The following GOLGA4 variants were observed in gnomAD, a reference collection of about 807,000 sequenced individuals.
GOLGA4 encodes the protein golgin subfamily A member 4.
A neutral mutation model predicts 265.9 loss-of-function variants in GOLGA4; 169 were observed. The ratio of observed to expected loss-of-function variants is 0.64; its 90% CI spans 0.56 to 0.72. The LOEUF is 0.72. GOLGA4 is among the 30% of genes least tolerant of loss of function. GOLGA4 has a pLI of 0.00. For missense variants in GOLGA4, 2,482 were observed against 2,483.4 expected, an observed-to-expected ratio of 1.00 and a Z score of 0.01; for synonymous variants, 923 against 855.8, an observed-to-expected ratio of 1.08 and a Z score of -1.37.
intron 2 of GOLGA4, among the ~76,000 whole-genome samples, chr3:37,254,466 T>A (rs533216808): frequency 2.6e-5 from 4 of 152,304 alleles, no homozygotes; most frequent in African/African-American, 7.2e-5. Context: ...TTTGTTTTTT[T>A]AATTGTTTTG....
chr3:37,275,030 GGT>G (rs1216571039), intron 2 of GOLGA4, among the ~76,000 whole-genome samples: 3 of 151,418 alleles, frequency 2.0e-5, no homozygotes, highest in Non-Finnish European at 4.4e-5. Flanking sequence ...TAACCAACAT[GGT>G]GAAACCCCGT....
At position 37,323,570 on chromosome 3, in the gene GOLGA4, T is replaced by C. The variant is rs1158761672; in HGVS notation, c.1702-18T>C. 1.4e-6 allele frequency: 2 copies of C among 1,477,906 alleles called. No individual in the cohort carries two copies. Among genetic ancestry groups the C allele is most frequent in the South Asian group, 1.4e-5 (1 of 73,506 alleles). 91.5% of individuals were successfully genotyped at this position (1,477,906 alleles called of 1,614,324 possible). A position where few individuals can be genotyped will look rare whatever the true frequency, so the allele number is the denominator to read the frequency against. On this transcript the variant is annotated intron_variant, in intron 13 of 23. Coordinates refer to ENST00000361924, the MANE Select transcript of GOLGA4 (RefSeq NM_002078.5). ...AAGTACGTACTTTAATAAAAATGCA[T>C]CTGTTTTTAATTAACAGAGAATTCT...
intron 2 of GOLGA4, among the ~76,000 whole-genome samples, chr3:37,270,733 A>T (rs1264004935): frequency 2.6e-5 from 4 of 152,108 alleles, no homozygotes; most frequent in Non-Finnish European, 5.9e-5. Flanking sequence ...AATTGTCCCC[A>T]ACCTTTTTGG....
At chr3:37,332,081 T>C (rs898070741) in intron 16 of GOLGA4, among the ~76,000 whole-genome samples, 4 of 152,216 alleles carry the variant, frequency 2.6e-5, no homozygotes, top group African/African-American at 9.7e-5. Flanking sequence ...TAGTCATCTG[T>C]CTGTCAGAGT....
intron 2 of GOLGA4, among the ~76,000 whole-genome samples, chr3:37,275,002 AGG>A (rs1210599722): frequency 6.6e-6 from 1 of 151,744 alleles, no homozygotes; most frequent in African/African-American, 2.4e-5. Flanking sequence ...TCACAAGGTG[AGG>A]GGTTCGAGAC....
At chr3:37,349,450 A>C (rs893342756) in intron 21 of GOLGA4, among the ~76,000 whole-genome samples, 4 of 152,174 alleles carry the variant, frequency 2.6e-5, no homozygotes, top group African/African-American at 9.7e-5. Context: ...GTGGAGGGGT[A>C]GCCCAGACAG....
intron 2 of GOLGA4, among the ~76,000 whole-genome samples, chr3:37,254,549 G>T (rs552503338): frequency 1.3e-5 from 2 of 148,956 alleles, no homozygotes; most frequent in African/African-American, 5.1e-5. Context: ...TTTTAAAGTC[G>T]CCAGGCTGGA....
rs1455822685 is a variant in GOLGA4, at chr3:37,326,885, A to G, written c.4999A>G (p.Lys1667Glu). The part of the protein sequence containing the change: ...SQMEEKEEQY[K>E]KGTESHLSEL... ...AATGGAAGAGAAAGAAGAACAGTAT[A>G]AAAAAGGTACAGAAAGCCATTTGAG... The change falls in exon 14 of 24, where the codon AAA becomes GAA. Residue 1667 changes from lysine (K) to glutamate (E), a missense_variant. Lys to Glu is a moderately conservative substitution (Grantham distance 56). Transcript: ENST00000361924. 6 of 1,613,398 alleles carry G rather than the reference A, an allele frequency of 3.7e-6. No individual in the cohort carries two copies. The highest frequency in any genetic ancestry group is 5.1e-6 in the Non-Finnish European group (6 of 1,179,544).
rs563171420 is a variant in GOLGA4, at chr3:37,302,322, C to T, written c.1224C>T (p.Ser408=). Residue 408 remains serine, a synonymous_variant, in exon 10 of 24, where the codon TCC becomes TCT. Transcript: ENST00000361924. ...GEELREQKEK[S]ERAAFEELEK... ...AATTACGGGAACAGAAAGAAAAGTC[C>T]GAAAGAGCTGGTAAGAACTTGAGGG... 12 of 1,613,156 alleles carry T rather than the reference C, an allele frequency of 7.4e-6. No individual in the cohort carries two copies. In the African/African-American group the frequency reaches 9.3e-5, roughly 13 times the overall value.
chr3:37,284,012 T>C (rs989987298), intron 3 of GOLGA4, among the ~76,000 whole-genome samples: 1 of 152,166 alleles, frequency 6.6e-6, no homozygotes, highest in Non-Finnish European at 1.5e-5. Flanking sequence ...TCTTTCTGGT[T>C]GTTTCTAGTA....
At chr3:37,361,174 A>T (rs1696234315) in intron 22 of GOLGA4, 69 bp from the exon 23 acceptor site, 1 of 1,160,212 alleles carries the variant, frequency 8.6e-7, no homozygotes, top group Non-Finnish European at 1.3e-6. Flanking sequence ...TCATATACAC[A>T]TACAATCTAT....
chr3:37,327,469 C>G lies in GOLGA4; in HGVS notation c.5583C>G (p.Ser1861=). 6.2e-7 allele frequency: 1 copy of G among 1,613,032 alleles called. No homozygotes were observed. Among genetic ancestry groups the G allele is most frequent in the Non-Finnish European group, 8.5e-7 (1 of 1,179,678 alleles). The change falls in exon 14 of 24, where the codon TCC becomes TCG. Residue 1861 remains serine, a synonymous_variant. Transcript: ENST00000361924. ...ILEQKIKELD[S]CLVRQKEVHR... ...AGCAAAAGATAAAAGAGCTGGATTC[C>G]TGCTTAGTAAGACAGAAAGAAGTAC...
chr3:37,321,760 C>A lies in GOLGA4; in HGVS notation c.1575C>A (p.Ile525=), dbSNP rs1338409172. 6.2e-7 allele frequency: 1 copy of A among 1,609,650 alleles called. No homozygotes were observed. Among genetic ancestry groups the A allele is most frequent in the East Asian group, 2.2e-5 (1 of 44,830 alleles). ...LEKSQSEYLK[I]SQEKEQQESL... ...AGAGTCAATCAGAATATTTGAAGAT[C>A]AGCCAAGAAAAAGAACAGCAAGAAT... The change falls in exon 13 of 24, where the codon ATC becomes ATA. Residue 525 remains isoleucine (I), a synonymous_variant. Transcript: ENST00000361924.
rs530108632 is a variant in GOLGA4, at chr3:37,258,083, G to A, written c.162+6599G>A. ...TATGTATATATGTATATATATATGT[G>A]TGTATATATATATGCTCTGTATATA... On this transcript the variant is annotated intron_variant, in intron 2 of 23. Coordinates refer to ENST00000361924, the MANE Select transcript of GOLGA4 (RefSeq NM_002078.5). 2.5e-4 allele frequency among the ~76,000 whole-genome samples: 31 copies of A among 126,406 alleles called. 1 individual carries two copies. The highest frequency in any genetic ancestry group is 3.7e-4 in the Non-Finnish European group (23 of 61,352). 82.9% of individuals were successfully genotyped at this position (126,406 alleles called of 152,430 possible). A position where few individuals can be genotyped will look rare whatever the true frequency, so the allele number is the denominator to read the frequency against.
chr3:37,277,470 A>G (rs994945348), intron 2 of GOLGA4, among the ~76,000 whole-genome samples: 1 of 152,224 alleles, frequency 6.6e-6, no homozygotes, highest in African/African-American at 2.4e-5. Context: ...TAGCTATTGT[A>G]AACAGTTCAT....
At position 37,315,405 on chromosome 3, in the gene GOLGA4, T is replaced by A. The variant is rs776693906; in HGVS notation, c.1235-15T>A. ...TATTTCTTGAGATACTTGTTTTCTG[T>A]TGTTTTCATTATAGCTTTTGAGGAA... On this transcript the variant is annotated splice_polypyrimidine_tract_variant and intron_variant, in intron 10 of 23. Transcript: ENST00000361924. 1 of 1,598,954 alleles carries A rather than the reference T, an allele frequency of 6.3e-7. No homozygotes were observed. The highest frequency in any genetic ancestry group is 8.5e-7 in the Non-Finnish European group (1 of 1,173,442).
chr3:37,249,230 G>A (rs1372038767), intron 1 of GOLGA4, among the ~76,000 whole-genome samples: 1 of 152,136 alleles, frequency 6.6e-6, no homozygotes. Context: ...TTGAACATTT[G>A]TAATTTGAAC....
chr3:37,264,787 CT>C (rs1038415434), intron 2 of GOLGA4, among the ~76,000 whole-genome samples: 3 of 152,122 alleles, frequency 2.0e-5, no homozygotes, highest in Admixed American at 2.0e-4. Context: ...CAGCTCACTG[CT>C]GGGCTTAGGC....
chr3:37,274,914 T>C (rs568025890), intron 2 of GOLGA4, among the ~76,000 whole-genome samples: 1 of 151,640 alleles, frequency 6.6e-6, no homozygotes, highest in Non-Finnish European at 1.5e-5. Context: ...TCGGAAGTAT[T>C]GTCTAACAAA....
Sources: allele counts gnomAD v4.1 joint callset (sites outside exome capture counted in the v4.1 genomes callset), GRCh38; gene constraint gnomAD v4.1.1; transcripts MANE v1.5; gene names NCBI Gene and HGNC (gene_info 2026-07-23, HGNC 2026-07-21).